The following SAMD5 variants were observed in gnomAD, a reference collection of about 807,000 sequenced individuals.
The protein encoded by SAMD5 is sterile alpha motif domain containing 5, also known as sterile alpha motif domain-containing protein 5.
A neutral mutation model predicts 11.3 loss-of-function variants in SAMD5; 13 were observed. The ratio of observed to expected loss-of-function variants is 1.15; its 90% CI spans 0.75 to 1.83. SAMD5 has a LOEUF of 1.83. Among genes scored for constraint, SAMD5 ranks in the 40% most tolerant of loss-of-function variants. SAMD5 has a pLI of 0.00. For synonymous variants in SAMD5, 129 were observed against 111.3 expected (o/e 1.16, Z -1.00); for missense variants, 255 against 239.1 (o/e 1.07, Z -0.44).
intron 1 of SAMD5, among the ~76,000 whole-genome samples, chr6:147,537,347 A>G (rs994163058): frequency 1.3e-5 from 2 of 152,200 alleles, no homozygotes; most frequent in Non-Finnish European, 2.9e-5. Flanking sequence ...GATTTTGGAA[A>G]GTTTGTTAAA....
At chr6:147,734,643 G>A (rs1791765432) in intron 1 of SAMD5, among the ~76,000 whole-genome samples, 1 of 144,840 alleles carries the variant, frequency 6.9e-6, no homozygotes, top group South Asian at 2.2e-4. Context: ...AACCCGGGAG[G>A]TGGAGCTTGC....
intron 1 of SAMD5, among the ~76,000 whole-genome samples, chr6:147,605,489 A>C (rs988300540): frequency 9.2e-5 from 14 of 152,190 alleles, no homozygotes; most frequent in African/African-American, 3.4e-4. Flanking sequence ...TAATCTTTGC[A>C]GTCTTCAACC....
downstream of SAMD5, chr6:147,570,047 C>A (rs1207780624): frequency 2.0e-6 from 2 of 978,176 alleles, no homozygotes; most frequent in Non-Finnish European, 2.4e-6. Flanking sequence ...CTTTTGTAAT[C>A]TTCCACATCT....
the SAMD5 span, among the ~76,000 whole-genome samples, chr6:147,850,359 A>C: frequency 1.3e-5 from 2 of 152,188 alleles, no homozygotes; most frequent in Admixed American, 6.5e-5. Context: ...CTGGTTTTTA[A>C]ATTAACCGGC....
chr6:147,808,850 G>A, the SAMD5 span, among the ~76,000 whole-genome samples: 1 of 152,228 alleles, frequency 6.6e-6, no homozygotes, highest in Admixed American at 6.5e-5. Flanking sequence ...TGAGGGCAGC[G>A]AGGCACAATA....
At chr6:147,868,054 A>G in the SAMD5 span, among the ~76,000 whole-genome samples, 2 of 152,236 alleles carry the variant, frequency 1.3e-5, no homozygotes, top group South Asian at 4.1e-4. Context: ...TGTGAATTAT[A>G]TACTTTTTAC....
At chr6:147,768,533 G>GA in the SAMD5 span, among the ~76,000 whole-genome samples, 6 of 151,440 alleles carry the variant, frequency 4.0e-5, no homozygotes, top group Admixed American at 2.0e-4. Flanking sequence ...CAAAAAAACA[G>GA]AAAAAAACAA....
intron 1 of SAMD5, among the ~76,000 whole-genome samples, chr6:147,642,706 TTTTC>T (rs1790331406): frequency 6.6e-6 from 1 of 152,168 alleles, no homozygotes; most frequent in Non-Finnish European, 1.5e-5. Flanking sequence ...TGACTTTTTG[TTTTC>T]TTTCTAATAG....
chr6:147,687,630 G>A (rs1791037533), intron 1 of SAMD5, among the ~76,000 whole-genome samples: 1 of 152,076 alleles, frequency 6.6e-6, no homozygotes. Context: ...TTCTGGTCAA[G>A]TCTATTAGTT....
intron 1 of SAMD5, among the ~76,000 whole-genome samples, chr6:147,641,902 A>G (rs1277686414): frequency 1.3e-5 from 2 of 152,208 alleles, no homozygotes; most frequent in Admixed American, 1.3e-4. Flanking sequence ...TATTTATAAA[A>G]TGCTTAGAAG....
chr6:147,849,785 A>T, the SAMD5 span, among the ~76,000 whole-genome samples: 2 of 152,242 alleles, frequency 1.3e-5, no homozygotes, highest in Non-Finnish European at 2.9e-5. Context: ...AGACTGGGGC[A>T]GACAGAACCT....
chr6:147,793,414 A>G, the SAMD5 span, among the ~76,000 whole-genome samples: 1 of 152,204 alleles, frequency 6.6e-6, no homozygotes, highest in African/African-American at 2.4e-5. Context: ...ACTAAGTATT[A>G]TGTTGTATTG....
chr6:147,634,825 T>A (rs148923665), intron 1 of SAMD5, among the ~76,000 whole-genome samples: 447 of 151,920 alleles, frequency 2.9e-3, no homozygotes, highest in South Asian at 7.5e-3. Context: ...AGAGTGAAGG[T>A]TGTTTAGGGA....
the SAMD5 span, among the ~76,000 whole-genome samples, chr6:147,913,841 G>T: frequency 6.6e-6 from 1 of 152,218 alleles, no homozygotes. Context: ...ATTCACATAC[G>T]TGTGTGCATG....
At chr6:147,693,603 G>T (rs920837122) in intron 1 of SAMD5, among the ~76,000 whole-genome samples, 3 of 152,218 alleles carry the variant, frequency 2.0e-5, no homozygotes, top group African/African-American at 7.2e-5. Flanking sequence ...GCAAGTGGAG[G>T]AATGATGTTT....
At chr6:147,804,090 T>A in the SAMD5 span, among the ~76,000 whole-genome samples, 2 of 151,642 alleles carry the variant, frequency 1.3e-5, no homozygotes, top group Non-Finnish European at 2.9e-5. Context: ...TCTTTGTTAT[T>A]TTTTCTTATT....
At chr6:147,915,573 G>A in the SAMD5 span, among the ~76,000 whole-genome samples, 2 of 152,100 alleles carry the variant, frequency 1.3e-5, no homozygotes, top group African/African-American at 2.4e-5. Context: ...AAGCCATTGC[G>A]CATCAAGTGA....
the SAMD5 span, among the ~76,000 whole-genome samples, chr6:147,807,429 A>G: frequency 6.6e-6 from 1 of 152,196 alleles, no homozygotes; most frequent in Non-Finnish European, 1.5e-5. Flanking sequence ...TAAGCCACAC[A>G]GTTTGTAGTA....
chr6:147,679,720 T>C (rs890701548), intron 1 of SAMD5, among the ~76,000 whole-genome samples: 2 of 152,016 alleles, frequency 1.3e-5, no homozygotes, highest in East Asian at 3.8e-4. Context: ...AAGAAATCTT[T>C]GCCTAACCCA....
Sources: gnomAD v4.1 joint callset for allele counts (sites outside exome capture counted in the v4.1 genomes callset) on GRCh38, gnomAD v4.1.1 for gene constraint, MANE v1.5 for transcripts, NCBI Gene and HGNC (gene_info 2026-07-23, HGNC 2026-07-21) for gene names.